Variants in CIC observed in about 807,000 individuals in gnomAD.
CIC encodes protein capicua homolog.
Under a neutral mutation model 115.7 loss-of-function variants are expected in CIC, and 18 were observed. The observed-to-expected ratio is 0.16, with a 90% CI of 0.11 to 0.23. CIC has a LOEUF of 0.23. Ranked by LOEUF, CIC falls within the 10% of genes least tolerant of loss-of-function variation. CIC has a pLI of 1.00. For synonymous variants in CIC, 1,076 were observed against 923.0 expected (o/e 1.17, Z -3.01); for missense variants, 2,000 against 2,159.3 (o/e 0.93, Z 1.46).
Position 42,293,967 on chromosome 19 carries a change from G to A in CIC, c.6800G>A (p.Arg2267His), listed in dbSNP as rs2147339272. Reference protein sequence around the residue: ...RVLSEVDFEERFAELPEFRPE... With the variant: ...RVLSEVDFEEHFAELPEFRPE... ...CTGTCAGAAGTGGACTTCGAAGAGC[G>A]CTTTGCTGAGTTGCCTGAGTTTCGG... The change falls in exon 18 of 21, where the codon CGC becomes CAC. Residue 2267 changes from arginine to histidine, a missense_variant. By Grantham distance (29) the Arg-to-His change is conservative. This residue lies in a region of CIC where 99 missense variants were observed against 217.6 expected (regional missense o/e 0.45). Coordinates refer to ENST00000681038, the MANE Select transcript of CIC (RefSeq NM_001386298.1). 1 of 1,613,502 alleles carries A rather than the reference G, an allele frequency of 6.2e-7. No homozygotes were observed. The highest frequency in any genetic ancestry group is 8.5e-7 in the Non-Finnish European group (1 of 1,180,014).
In CIC at chr19:42,294,935, C is replaced by A; in HGVS notation, c.7298C>A (p.Pro2433His). 6.2e-7 allele frequency: 1 copy of A among 1,600,460 alleles called. No individual in the cohort carries two copies. The highest frequency in any genetic ancestry group is 8.5e-7 in the Non-Finnish European group (1 of 1,179,942). Residue 2433 changes from proline (P) to histidine (H), a missense_variant, in exon 21 of 21, where the codon CCC (proline) becomes CAC (histidine). Pro to His is a moderately conservative substitution (Grantham distance 77). Around this residue, in one of 8 missense-constraint regions of CIC, gnomAD observed 133 missense variants for 116.0 expected, o/e 1.15. Coordinates refer to ENST00000681038, the MANE Select transcript of CIC (RefSeq NM_001386298.1). ...CAGAAGATCATGCAGGCTGCCACTC[C>A]CACGGAGCAGCCCCCTGGAGCTGAG... ...VRQKIMQAAT[P>H]TEQPPGAEAP...
chr19:42,295,143 G>GGGGGCCCCCCCCCCCCCCCCCC lies in CIC; in HGVS notation c.7506_7507insGGGGCCCCCCCCCCCCCCCCCC (p.Pro2503GlyfsTer27). On this transcript the variant is annotated frameshift_variant, in exon 21 of 21. Transcript: ENST00000681038. LOFTEE classifies it high-confidence loss of function. The stretch of plus-strand genomic sequence containing the variant: ...AGCCTGGCTGGGAGGGGGCTCCCCA[G>GGGGGCCCCCCCCCCCCCCCCCC]CCCTCCCCCCCACCCCCAGGTCCCT... The GGGGGCCCCCCCCCCCCCCCCCC allele has an allele frequency of 1.4e-6, 2 of 1,382,726 alleles. No individual in the cohort carries two copies. The highest frequency in any genetic ancestry group is 1.9e-6 in the Non-Finnish European group (2 of 1,037,816). The allele number at this position is 1,382,726 out of a possible 1,614,324, so 85.7% of individuals were successfully genotyped here.
At position 42,290,362 on chromosome 19, in the gene CIC, C is replaced by G; in HGVS notation, c.4321C>G (p.Pro1441Ala). The change falls in exon 11 of 21, where the codon CCA becomes GCA. Residue 1441 changes from proline (P) to alanine (A), a missense_variant. Pro to Ala is a conservative substitution (Grantham distance 27). This residue lies in a region of CIC where 1,466 missense variants were observed against 1,390.4 expected (regional missense o/e 1.05). Transcript: ENST00000681038. ...VAFGKGYGSA[P>A]SSSASSPASS... ...CTTTGGCAAAGGCTATGGTTCCGCCCCATCCTCCTCTGCGTCCTCGCCTGC... is the reference window on the plus strand; with the variant it reads ...CTTTGGCAAAGGCTATGGTTCCGCCGCATCCTCCTCTGCGTCCTCGCCTGC... 6.2e-7 allele frequency: 1 copy of G among 1,614,148 alleles called. No homozygotes were observed. Among genetic ancestry groups the G allele is most frequent in the Non-Finnish European group, 8.5e-7 (1 of 1,180,000 alleles).
intron 14 of CIC, 23 bp from the exon 15 acceptor site, chr19:42,292,543 G>C (rs953816153): frequency 1.2e-6 from 2 of 1,612,526 alleles, no homozygotes; most frequent in Non-Finnish European, 1.7e-6. Flanking sequence ...TTGGTCTCCT[G>C]CTTCTTCTTC....
intron 12 of CIC, 62 bp from the exon 13 acceptor site, chr19:42,292,024 T>G: frequency 1.2e-6 from 2 of 1,610,542 alleles, no homozygotes; most frequent in Non-Finnish European, 8.5e-7. Flanking sequence ...GAGGTCTTGG[T>G]CTTCCCCTGC....
rs1417601113 is a variant in CIC, at chr19:42,270,613, A to G, written c.-10-1161A>G. 6.6e-6 allele frequency among the ~76,000 whole-genome samples: 1 copy of G among 151,750 alleles called. No individual in the cohort carries two copies. Among genetic ancestry groups the G allele is most frequent in the East Asian group, 1.9e-4 (1 of 5,162 alleles). ...CCTTATCCCACCTATCCCCACTTGG[A>G]GTTGGAGGGCATATTTGGGGGCCTG... On this transcript the variant is annotated intron_variant, in intron 1 of 20. Coordinates refer to ENST00000681038, the MANE Select transcript of CIC (RefSeq NM_001386298.1). This position sits in a 1 kb window ranked among gnomAD's most constrained non-coding sequence, Gnocchi z 4.1.
chr19:42,287,732 C>A lies in CIC; in HGVS notation c.3492+5C>A, dbSNP rs376425349. On this transcript the variant is annotated splice_donor_5th_base_variant and intron_variant, in intron 6 of 20. Transcript: ENST00000681038. The surrounding 1 kb of genome is among the most constrained non-coding windows in gnomAD (Gnocchi z 8.7). ...TACCACGACCTGGCCTTCCAGGTAA[C>A]GCTGTTGCCTCTTGGCTCCTCCCAG... is the stretch of plus-strand genomic sequence containing the variant. 6.2e-7 allele frequency: 1 copy of A among 1,614,186 alleles called. No individual in the cohort carries two copies. Among genetic ancestry groups the A allele is most frequent in the Non-Finnish European group, 8.5e-7 (1 of 1,180,036 alleles).
Position 42,295,212 on chromosome 19 carries a change from A to G in CIC, c.*21A>G, listed in dbSNP as rs865776713. On this transcript the variant is annotated 3_prime_UTR_variant, in exon 21 of 21. Transcript: ENST00000681038. ...GGTGAGGGACCCCTGAGAAGATGCCAGGACTTATAGTACCCCCTCAGGACA... is the reference window on the plus strand; with the variant it reads ...GGTGAGGGACCCCTGAGAAGATGCCGGGACTTATAGTACCCCCTCAGGACA... 1.3e-6 allele frequency: 2 copies of G among 1,497,418 alleles called. No individual in the cohort carries two copies. Among genetic ancestry groups the G allele is most frequent in the East Asian group, 5.3e-5 (2 of 38,076 alleles). 92.8% of individuals were successfully genotyped at this position (1,497,418 alleles called of 1,614,324 possible).
rs981881406 is a variant in CIC, at chr19:42,280,442, G to T, written c.2794+5865G>T. Among the ~76,000 whole-genome samples the T allele has an allele frequency of 6.6e-6, 1 of 152,110 alleles. No homozygotes were observed. The highest frequency in any genetic ancestry group is 1.5e-5 in the Non-Finnish European group (1 of 67,984). On this transcript the variant is annotated intron_variant, in intron 2 of 20. Coordinates refer to ENST00000681038, the MANE Select transcript of CIC (RefSeq NM_001386298.1). This position sits in a 1 kb window ranked among gnomAD's most constrained non-coding sequence, Gnocchi z 4.9. ...CACCTAGGGGTGTGGGTTCCCGCGC[G>T]CCCCTGGGTGCAGACCTCCTGTGTC...
In CIC at chr19:42,287,690, C is replaced by A. The variant is rs768583610; in HGVS notation, c.3455C>A (p.Pro1152His). ...GGCGAGTGGTGGTATGCCCTGGGGC[C>A]CAAGGAGAAGCAGAAGTACCACGAC... is the stretch of plus-strand genomic sequence containing the variant. ...ILGEWWYALG[P>H]KEKQKYHDLA... The change falls in exon 6 of 21, where the codon CCC (proline) becomes CAC (histidine). Residue 1152 changes from proline (P) to histidine (H), a missense_variant. Physicochemically the swap from Pro to His is moderately conservative, Grantham distance 77. This residue lies in a region of CIC where 22 missense variants were observed against 93.8 expected (regional missense o/e 0.23). Coordinates refer to ENST00000681038, the MANE Select transcript of CIC (RefSeq NM_001386298.1). This position sits in a 1 kb window ranked among gnomAD's most constrained non-coding sequence, Gnocchi z 8.7. 1 of 1,614,096 alleles carries A rather than the reference C, an allele frequency of 6.2e-7. No homozygotes were observed. The highest frequency in any genetic ancestry group is 8.5e-7 in the Non-Finnish European group (1 of 1,180,036).
In CIC at chr19:42,295,008, C is replaced by A; in HGVS notation, c.7371C>A (p.Ala2457=). 6.3e-7 allele frequency: 1 copy of A among 1,594,624 alleles called. No individual in the cohort carries two copies. Reference sequence around the variant, plus strand: ...CCACTGGCACCGCTGCTGCCCCTGCCCCCACTCCCAGCCCCGCAGGGGGCC... The same window carrying A: ...CCACTGGCACCGCTGCTGCCCCTGCACCCACTCCCAGCCCCGCAGGGGGCC... ...PPPTGTAAAP[A]PTPSPAGGPD... is the part of the protein sequence containing the mutation. Residue 2457 remains alanine, a synonymous_variant, in exon 21 of 21, where the codon GCC becomes GCA. Coordinates refer to ENST00000681038, the MANE Select transcript of CIC (RefSeq NM_001386298.1).
chr19:42,291,131 G>T lies in CIC; in HGVS notation c.5090G>T (p.Gly1697Val), dbSNP rs781550179. Reference sequence around the variant, plus strand: ...TTCATTGCCCAGGGGGCCCCTGGTGGTGGGACCACTGCGGGCTCAGGAGCA... The same window carrying T: ...TTCATTGCCCAGGGGGCCCCTGGTGTTGGGACCACTGCGGGCTCAGGAGCA... ...VQFIAQGAPG[G>V]GTTAGSGAGA... The change falls in exon 11 of 21, where the codon GGT (glycine) becomes GTT (valine). Residue 1697 changes from glycine (G) to valine (V), a missense_variant. Physicochemically the swap from Gly to Val is moderately radical, Grantham distance 109. This residue lies in a region of CIC where 1,466 missense variants were observed against 1,390.4 expected (regional missense o/e 1.05). Coordinates refer to ENST00000681038, the MANE Select transcript of CIC (RefSeq NM_001386298.1). 23 of 1,608,918 alleles carry T rather than the reference G, an allele frequency of 1.4e-5. No homozygotes were observed. The highest frequency in any genetic ancestry group is 3.3e-5 in the Admixed American group (2 of 59,804).
At chr19:42,276,526 TG>T (rs1278221643) in intron 2 of CIC, among the ~76,000 whole-genome samples, 1 of 152,130 alleles carries the variant, frequency 6.6e-6, no homozygotes, top group African/African-American at 2.4e-5. Context: ...CCTTCCCTTT[TG>T]GGGCTCCAGC....
chr19:42,287,254 G>T lies in CIC; in HGVS notation c.3179+14G>T. ...CCATGATGATGCGTGAGTTCCCTGA[G>T]GCCTGGGACTTGGGGGTGGGATGGC... On this transcript the variant is annotated intron_variant, in intron 4 of 20. Transcript: ENST00000681038. The surrounding 1 kb of genome is among the most constrained non-coding windows in gnomAD (Gnocchi z 8.7). The T allele has an allele frequency of 1.9e-6, 3 of 1,614,026 alleles. No homozygotes were observed. The highest frequency in any genetic ancestry group is 2.5e-6 in the Non-Finnish European group (3 of 1,179,986).
At position 42,287,131 on chromosome 19, in the gene CIC, G is replaced by T. The variant is rs1301672793; in HGVS notation, c.3070G>T (p.Gly1024Trp). The change falls in exon 4 of 21, where the codon GGG (glycine) becomes TGG (tryptophan). Residue 1024 changes from glycine (G) to tryptophan (W), a missense_variant. This residue lies in a region of CIC where 222 missense variants were observed against 247.7 expected (regional missense o/e 0.90). Coordinates refer to ENST00000681038, the MANE Select transcript of CIC (RefSeq NM_001386298.1). The surrounding 1 kb of genome is among the most constrained non-coding windows in gnomAD (Gnocchi z 8.7). ...SPGPGPPHPL[G>W]VVESGKGPPP... ...AGGACCCGGACCCCCACACCCTTTGGGGGTGGTGGAATCTGGTAAGGGTCC... is the reference window on the plus strand; with the variant it reads ...AGGACCCGGACCCCCACACCCTTTGTGGGTGGTGGAATCTGGTAAGGGTCC... The T allele has an allele frequency of 6.2e-7, 1 of 1,613,572 alleles. No homozygotes were observed. The highest frequency in any genetic ancestry group is 8.5e-7 in the Non-Finnish European group (1 of 1,179,918).
chr19:42,289,291 G>T lies in CIC; in HGVS notation c.3972G>T (p.Arg1324=). 2 of 1,613,854 alleles carry T rather than the reference G, an allele frequency of 1.2e-6. No homozygotes were observed. The highest frequency in any genetic ancestry group is 1.7e-6 in the Non-Finnish European group (2 of 1,180,020). The change falls in exon 9 of 21, where the codon CGG becomes CGT. Residue 1324 remains arginine (R), a synonymous_variant. Transcript: ENST00000681038. The stretch of plus-strand genomic sequence containing the variant: ...GAGGTGCCTTGGCGGCCACTGGGCG[G>T]CCCCCGCTGCTGCCCACCCGAGCTT... ...GEGGALAATG[R]PPLLPTRASR...
In CIC at chr19:42,273,682, C is replaced by G; in HGVS notation, c.1899C>G (p.Pro633=). The part of the protein sequence containing the change: ...SPFSPAPSPS[P]SPLFGFRPAN... ...TCTCGCCAGCCCCATCACCCTCACC[C>G]TCACCACTCTTCGGCTTCCGCCCTG... Residue 633 remains proline (P), a synonymous_variant, in exon 2 of 21, where the codon CCC becomes CCG. Transcript: ENST00000681038. 1 of 398,940 alleles carries G rather than the reference C, an allele frequency of 2.5e-6. No homozygotes were observed. The highest frequency in any genetic ancestry group is 1.3e-4 in the South Asian group (1 of 7,884). 24.7% of individuals were successfully genotyped at this position (398,940 alleles called of 1,614,324 possible).
At position 42,290,385 on chromosome 19, in the gene CIC, T is replaced by G. The variant is rs750645309; in HGVS notation, c.4344T>G (p.Pro1448=). 2.5e-6 allele frequency: 4 copies of G among 1,614,048 alleles called. No homozygotes were observed. The Admixed American group carries it at 6.7e-5, about 27-fold the overall frequency. ...GSAPSSSASS[P]ASSSASAATS... Reference sequence around the variant, plus strand: ...CCCCATCCTCCTCTGCGTCCTCGCCTGCTTCCTCCTCAGCCTCGGCAGCCA... The same window carrying G: ...CCCCATCCTCCTCTGCGTCCTCGCCGGCTTCCTCCTCAGCCTCGGCAGCCA... Residue 1448 remains proline, a synonymous_variant, in exon 11 of 21, where the codon CCT becomes CCG. Transcript: ENST00000681038.
At chr19:42,291,494 G>C in intron 11 of CIC, 28 bp downstream of exon 11, 1 of 1,613,136 alleles carries the variant, frequency 6.2e-7, no homozygotes, top group Non-Finnish European at 8.5e-7. Context: ...CAGCACTAGG[G>C]GAGGGGCCAT....
Sources: allele counts gnomAD v4.1 joint callset (sites outside exome capture counted in the v4.1 genomes callset), GRCh38; gene constraint gnomAD v4.1.1; regional missense constraint gnomAD v4.1.1; non-coding constraint Gnocchi (gnomAD v3.1); transcripts MANE v1.5; gene names NCBI Gene and HGNC (gene_info 2026-07-23, HGNC 2026-07-21).